Variants in UTS2B observed in about 807,000 individuals in gnomAD.
UTS2B encodes the protein urotensin-2B.
UTS2B carries 21 observed loss-of-function variants against 19.2 expected under a neutral mutation model. The observed-to-expected ratio is 1.09, with a 90% CI of 0.78 to 1.58. The LOEUF is 1.58. Among genes scored for constraint, UTS2B ranks in the 40% most tolerant of loss-of-function variants. The probability of loss-of-function intolerance (pLI) is 0.00; values close to 1 mark genes in which losing one functional copy is unlikely to be tolerated. For missense variants in UTS2B, 138 were observed against 130.3 expected, an observed-to-expected ratio of 1.06 and a Z score of -0.29; for synonymous variants, 57 against 50.2, an observed-to-expected ratio of 1.14 and a Z score of -0.58.
intron 3 of UTS2B, among the ~76,000 whole-genome samples, chr3:191,307,288 C>T (rs1717165578): frequency 2.6e-5 from 4 of 152,004 alleles, no homozygotes; most frequent in Admixed American, 2.6e-4. Flanking sequence ...AGACTCAATC[C>T]GTCTATACAT....
intron 2 of UTS2B, among the ~76,000 whole-genome samples, chr3:191,317,290 G>C (rs1717486658): frequency 6.6e-6 from 1 of 152,216 alleles, no homozygotes; most frequent in African/African-American, 2.4e-5. Context: ...CAGCTTCTCT[G>C]AGTGCGGGGG....
chr3:191,290,987 T>C (rs893494901), intron 4 of UTS2B, among the ~76,000 whole-genome samples: 1 of 152,182 alleles, frequency 6.6e-6, no homozygotes, highest in African/African-American at 2.4e-5. Context: ...ATTCCTTACA[T>C]GTAGTTAAAT....
intron 4 of UTS2B, among the ~76,000 whole-genome samples, chr3:191,300,601 G>A (rs1050956920): frequency 6.6e-6 from 1 of 152,008 alleles, no homozygotes; most frequent in Non-Finnish European, 1.5e-5. Context: ...AACGTGGGAG[G>A]AGCCAGAGGC....
chr3:191,299,189 G>A (rs1716929743), intron 4 of UTS2B, among the ~76,000 whole-genome samples: 2 of 152,344 alleles, frequency 1.3e-5, no homozygotes, highest in South Asian at 2.1e-4. Flanking sequence ...TCCATTTTCT[G>A]GGTAGAATTT....
chr3:191,275,169 C>T, intron 8 of UTS2B, 83 bp downstream of exon 8: 1 of 1,032,392 alleles, frequency 9.7e-7, no homozygotes, highest in Middle Eastern at 2.1e-4. Context: ...TAAGAAATGC[C>T]AACTGAATCT....
chr3:191,287,923 T>C (rs1354318006), intron 4 of UTS2B, among the ~76,000 whole-genome samples: 1 of 152,112 alleles, frequency 6.6e-6, no homozygotes, highest in Non-Finnish European at 1.5e-5. Context: ...AATTTAGAAA[T>C]ACTATGTGAG....
upstream of UTS2B, among the ~76,000 whole-genome samples, chr3:191,334,857 T>C (rs1324210847): frequency 6.6e-6 from 1 of 152,174 alleles, no homozygotes; most frequent in African/African-American, 2.4e-5. Flanking sequence ...TAATGTATCA[T>C]ATGGATGCTG....
intron 4 of UTS2B, among the ~76,000 whole-genome samples, chr3:191,302,147 C>T (rs1717021589): frequency 6.6e-6 from 1 of 152,174 alleles, no homozygotes. Flanking sequence ...CAAGATTGCG[C>T]TGAAAGTCAC....
chr3:191,311,221 G>A (rs987554739), intron 3 of UTS2B, among the ~76,000 whole-genome samples: 1 of 152,236 alleles, frequency 6.6e-6, no homozygotes, highest in Non-Finnish European at 1.5e-5. Flanking sequence ...TCACACCTAA[G>A]AGTCTTTTAA....
the UTS2B span, among the ~76,000 whole-genome samples, chr3:191,340,956 C>T: frequency 6.6e-6 from 1 of 152,054 alleles, no homozygotes; most frequent in Admixed American, 6.6e-5. Flanking sequence ...CTGCCTCAGC[C>T]TCCTGAGTAG....
chr3:191,278,227 A>G (rs1290289730), intron 5 of UTS2B, 57 bp from the exon 6 acceptor site: 3 of 953,702 alleles, frequency 3.1e-6, no homozygotes, highest in Non-Finnish European at 4.6e-6. Flanking sequence ...ATTTCTAATT[A>G]AATTGGTCTT....
intron 8 of UTS2B, among the ~76,000 whole-genome samples, chr3:191,269,772 C>T (rs541725226): frequency 2.0e-5 from 3 of 152,316 alleles, no homozygotes; most frequent in Admixed American, 2.0e-4. Context: ...TATAAACTTA[C>T]ACTTAGCCAA....
rs917216863 is a variant in UTS2B at position 191,289,237 on chromosome 3, A to G, written c.-124-6924T>C. On this transcript the variant is annotated intron_variant, in intron 4 of 8. Transcript: ENST00000340524. ...ATCCTGGCTAACATGGTGAAACCCC[A>G]TCTCTACTAAAAATATAAAAAATTA... Among the ~76,000 whole-genome samples, 8 of 151,970 alleles carry G rather than the reference A, an allele frequency of 5.3e-5. No individual in the cohort carries two copies. In the East Asian group the frequency reaches 5.8e-4, roughly 11 times the overall value.
chr3:191,278,917 A>G (rs564153053), intron 5 of UTS2B, among the ~76,000 whole-genome samples: 60 of 152,234 alleles, frequency 3.9e-4, no homozygotes, highest in African/African-American at 1.4e-3. Flanking sequence ...TCAAACCTTT[A>G]TCACATAATT....
At chr3:191,342,905 G>A in the UTS2B span, among the ~76,000 whole-genome samples, 14 of 152,166 alleles carry the variant, frequency 9.2e-5, no homozygotes, top group South Asian at 2.1e-3. Context: ...TGTTTTTTTC[G>A]TAGAATGTCT....
the UTS2B span, among the ~76,000 whole-genome samples, chr3:191,336,149 T>A: frequency 6.6e-6 from 1 of 151,696 alleles, no homozygotes; most frequent in Non-Finnish European, 1.5e-5. Flanking sequence ...TTTTTTTTAA[T>A]GTATGTGTGT....
chr3:191,335,326 G>A (rs567514442), upstream of UTS2B, among the ~76,000 whole-genome samples: 14 of 152,254 alleles, frequency 9.2e-5, no homozygotes, highest in Non-Finnish European at 1.8e-4. Context: ...CTGTTTCAGA[G>A]GTAGCCACTG....
intron 3 of UTS2B, among the ~76,000 whole-genome samples, chr3:191,305,584 G>A (rs966082400): frequency 2.0e-5 from 3 of 152,016 alleles, no homozygotes; most frequent in African/African-American, 7.2e-5. Flanking sequence ...TGCATAGTTT[G>A]CAAAAATTTT....
chr3:191,283,485 T>C (rs1051291001), intron 4 of UTS2B, among the ~76,000 whole-genome samples: 16 of 140,320 alleles, frequency 1.1e-4, no homozygotes, highest in Admixed American at 2.7e-4. Context: ...TTTGTATATC[T>C]ACTACAGTTC....
Sources: allele counts gnomAD v4.1 joint callset (sites outside exome capture counted in the v4.1 genomes callset), GRCh38; gene constraint gnomAD v4.1.1; transcripts MANE v1.5; gene names NCBI Gene and HGNC (gene_info 2026-07-23, HGNC 2026-07-21).